CWF19L2: variants seen among roughly 807,000 people sequenced by gnomAD.
CWF19L2 encodes the protein CWF19-like protein 2.
CWF19L2 carries 98 observed loss-of-function variants against 111.7 expected under a neutral mutation model. That is an observed-to-expected ratio of 0.88 (90% CI 0.75 to 1.04). The LOEUF is 1.04. CWF19L2 is among the 50% of genes least tolerant of loss of function. The pLI is 0.00. For missense variants in CWF19L2, 1,101 were observed against 1,051.4 expected, an observed-to-expected ratio of 1.05 and a Z score of -0.65; for synonymous variants, 351 against 342.9, an observed-to-expected ratio of 1.02 and a Z score of -0.26.
At chr11:107,374,579 C>T (rs1349613149) in intron 12 of CWF19L2, among the ~76,000 whole-genome samples, 225 of 116,094 alleles carry the variant, frequency 1.9e-3, no homozygotes, top group South Asian at 3.1e-3. Context: ...CTGAGAGATT[C>T]TGTCACCACC....
chr11:107,373,756 C>A lies in CWF19L2; in HGVS notation c.1872+16318G>T, dbSNP rs1230093170. Among the ~76,000 whole-genome samples, 29 of 133,720 alleles carry A rather than the reference C, an allele frequency of 2.2e-4. 5 individuals are homozygous for A. The highest frequency in any genetic ancestry group is 8.6e-4 in the African/African-American group (29 of 33,576). The allele number at this position is 133,720 out of a possible 152,430, so 87.7% of individuals were successfully genotyped here. A position where few individuals can be genotyped will look rare whatever the true frequency, so the allele number is the denominator to read the frequency against. ...ACGCAGTTCCTCACCAGCAACGGAA[C>A]AAAGCTGGATGGAGAATGACTTTGA... On this transcript the variant is annotated intron_variant, in intron 12 of 17. Transcript: ENST00000282251.
intron 12 of CWF19L2, among the ~76,000 whole-genome samples, chr11:107,388,542 C>A (rs1364237064): frequency 6.6e-6 from 1 of 152,090 alleles, no homozygotes; most frequent in African/African-American, 2.4e-5. Context: ...GCCACCATGC[C>A]TGGCTAATTT....
intron 12 of CWF19L2, among the ~76,000 whole-genome samples, chr11:107,358,021 A>T (rs1184623394): frequency 6.6e-6 from 1 of 152,218 alleles, no homozygotes; most frequent in Non-Finnish European, 1.5e-5. Context: ...CACCATAAAC[A>T]CAAACTAAAT....
In CWF19L2 at chr11:107,373,285, T is replaced by A. The variant is rs1283159481; in HGVS notation, c.1872+16789A>T. 3.1e-5 allele frequency among the ~76,000 whole-genome samples: 4 copies of A among 127,750 alleles called. 1 individual carries two copies. Among genetic ancestry groups the A allele is most frequent in the African/African-American group, 6.6e-5 (2 of 30,152 alleles). 83.8% of individuals were successfully genotyped at this position (127,750 alleles called of 152,430 possible). ...GAGCCCACCACAGCTCAAGGAGGAC[T>A]GCCTGCCTCTGTAGGCTCCACCTCT... On this transcript the variant is annotated intron_variant, in intron 12 of 17. Coordinates refer to ENST00000282251, the MANE Select transcript of CWF19L2 (RefSeq NM_152434.3).
At chr11:107,343,602 A>T (rs1037805747) in intron 14 of CWF19L2, among the ~76,000 whole-genome samples, 3 of 150,366 alleles carry the variant, frequency 2.0e-5, no homozygotes, top group Admixed American at 6.6e-5. Flanking sequence ...TTCTATTTTT[A>T]TTTTTTTTGT....
intron 6 of CWF19L2, among the ~76,000 whole-genome samples, chr11:107,437,474 T>C (rs1268706709): frequency 6.6e-6 from 1 of 152,172 alleles, no homozygotes; most frequent in East Asian, 1.9e-4. Context: ...CTAAATAGAA[T>C]GACAACACTA....
chr11:107,340,024 T>C (rs1317465614), intron 14 of CWF19L2, among the ~76,000 whole-genome samples: 1 of 152,166 alleles, frequency 6.6e-6, no homozygotes, highest in Non-Finnish European at 1.5e-5. Context: ...AAAATATTCT[T>C]TATATATTCT....
chr11:107,444,000 T>G (rs80136710), intron 3 of CWF19L2, among the ~76,000 whole-genome samples: 2,604 of 152,246 alleles, frequency 0.017, 79 homozygotes, highest in African/African-American at 0.06. Context: ...ACTCTTTCTG[T>G]TCCTCCAGGA....
At chr11:107,453,865 G>C (rs2135431793) in intron 3 of CWF19L2, among the ~76,000 whole-genome samples, 1 of 152,068 alleles carries the variant, frequency 6.6e-6, no homozygotes, top group East Asian at 1.9e-4. Context: ...GAACATCAGT[G>C]GTAGCCTGCC....
chr11:107,329,807 G>A (rs1024055773), intron 17 of CWF19L2, 111 bp downstream of exon 17: 19 of 656,124 alleles, frequency 2.9e-5, no homozygotes, highest in East Asian at 2.3e-4. Flanking sequence ...ACTGGGTGGA[G>A]CAGTACTCAC....
intron 6 of CWF19L2, among the ~76,000 whole-genome samples, chr11:107,434,681 A>G (rs1260942281): frequency 2.0e-5 from 2 of 101,608 alleles, no homozygotes; most frequent in Non-Finnish European, 4.8e-5. Context: ...GCAAAAAAAA[A>G]AAAAAAAAGA....
At chr11:107,378,902 G>C (rs1202006729) in intron 12 of CWF19L2, among the ~76,000 whole-genome samples, 1 of 152,162 alleles carries the variant, frequency 6.6e-6, no homozygotes, top group Non-Finnish European at 1.5e-5. Context: ...AAGAGAAGTA[G>C]ATTGGGCATA....
At chr11:107,358,344 A>G (rs4754217) in intron 12 of CWF19L2, among the ~76,000 whole-genome samples, 3 of 83,858 alleles carry the variant, frequency 3.6e-5, no homozygotes, top group Non-Finnish European at 6.9e-5. Flanking sequence ...CTGATGAGCT[A>G]AAAAAAAAAA....
chr11:107,362,112 A>G (rs77758427), intron 12 of CWF19L2, among the ~76,000 whole-genome samples: 2,650 of 152,206 alleles, frequency 0.017, 58 homozygotes, highest in African/African-American at 0.059. Context: ...TGCGCTTTTC[A>G]GACCGGCTTA....
intron 10 of CWF19L2, among the ~76,000 whole-genome samples, chr11:107,396,884 G>A (rs1001968926): frequency 2.6e-5 from 4 of 152,108 alleles, no homozygotes; most frequent in Admixed American, 6.5e-5. Context: ...ACTTCCTCCC[G>A]AACATACCCC....
chr11:107,351,571 G>C (rs1311205664), intron 13 of CWF19L2, among the ~76,000 whole-genome samples: 1 of 152,204 alleles, frequency 6.6e-6, no homozygotes, highest in Non-Finnish European at 1.5e-5. Context: ...GAACATTTCA[G>C]AGAAAGATAT....
At chr11:107,349,976 C>A (rs1272187867) in intron 13 of CWF19L2, among the ~76,000 whole-genome samples, 1 of 151,898 alleles carries the variant, frequency 6.6e-6, no homozygotes, top group Non-Finnish European at 1.5e-5. Flanking sequence ...AGATAAAGAG[C>A]CAGGTCCAAG....
chr11:107,395,818 G>A (rs1453165309), intron 10 of CWF19L2, among the ~76,000 whole-genome samples: 1 of 152,156 alleles, frequency 6.6e-6, no homozygotes, highest in South Asian at 2.1e-4. Context: ...AATATTTTCA[G>A]TAACTATTTG....
rs1167545671 is a variant in CWF19L2, at chr11:107,454,447, T to A, written c.339+3A>T. 1 of 1,414,508 alleles carries A rather than the reference T, an allele frequency of 7.1e-7. No individual in the cohort carries two copies. Among genetic ancestry groups the A allele is most frequent in the South Asian group, 1.7e-5 (1 of 58,708 alleles). 87.6% of individuals were successfully genotyped at this position (1,414,508 alleles called of 1,614,324 possible). ...GCTTTGATTAATTTTAGTACATACT[T>A]ACTGATGAGCTATCAGATGACTCAT... On this transcript the variant is annotated splice_donor_region_variant and intron_variant, in intron 3 of 17. Coordinates refer to ENST00000282251, the MANE Select transcript of CWF19L2 (RefSeq NM_152434.3).
Sources: gnomAD v4.1 joint callset for allele counts (sites outside exome capture counted in the v4.1 genomes callset) on GRCh38, gnomAD v4.1.1 for gene constraint, MANE v1.5 for transcripts, NCBI Gene and HGNC (gene_info 2026-07-23, HGNC 2026-07-21) for gene names.